Variants in ZFP90 observed in about 807,000 individuals in gnomAD.
ZFP90 encodes the protein ZFP90 zinc finger protein, also known as zinc finger protein 90 homolog.
ZFP90 carries 38 observed loss-of-function variants against 60.8 expected under a neutral mutation model. The observed-to-expected ratio is 0.62, with a 90% CI of 0.48 to 0.82. The LOEUF is 0.82. ZFP90 is among the 40% of genes least tolerant of loss of function. ZFP90 has a pLI of 0.00. For synonymous variants in ZFP90, 287 were observed against 264.8 expected (o/e 1.08, Z -0.82); for missense variants, 711 against 759.1 (o/e 0.94, Z 0.74).
chr16:68,535,054 T>C (rs2090950701), upstream of ZFP90, among the ~76,000 whole-genome samples: 1 of 152,220 alleles, frequency 6.6e-6, no homozygotes, highest in Non-Finnish European at 1.5e-5. Context: ...GCATGTGCTT[T>C]GTGTTTGTGA....
Position 68,564,096 on chromosome 16 carries a change from C to G in ZFP90, c.1309C>G (p.Leu437Val), listed in dbSNP as rs912087175. Residue 437 changes from leucine to valine, a missense_variant, in exon 5 of 5, where the codon CTC becomes GTC. Physicochemically the swap from Leu to Val is conservative, Grantham distance 32. Around this residue, in one of 5 missense-constraint regions of ZFP90, gnomAD observed 295 missense variants for 274.0 expected, o/e 1.08. Transcript: ENST00000563169. Reference protein sequence around the residue: ...YSIDFKHSTSLTQDESTLTEV... With the variant: ...YSIDFKHSTSVTQDESTLTEV... ...CATAGATTTCAAGCACAGCACATCT[C>G]TCACTCAAGATGAAAGCACTCTTAC... is the stretch of plus-strand genomic sequence containing the variant. 1 of 1,614,152 alleles carries G rather than the reference C, an allele frequency of 6.2e-7. No homozygotes were observed. Among genetic ancestry groups the G allele is most frequent in the South Asian group, 1.1e-5 (1 of 91,080 alleles).
At chr16:68,540,808 C>CAAAAAAAAAAAAAAAAAAAAAAA (rs35122186) in intron 2 of ZFP90, among the ~76,000 whole-genome samples, 1 of 92,698 alleles carries the variant, frequency 1.1e-5, no homozygotes, top group African/African-American at 4.5e-5. Flanking sequence ...TCCGTCTCTG[C>CAAAAAAAAAAAAAAAAAAAAAAA]AAAAAAAAAA....
At chr16:68,556,707 C>G (rs1645928) in intron 2 of ZFP90, among the ~76,000 whole-genome samples, 1 of 152,046 alleles carries the variant, frequency 6.6e-6, no homozygotes, top group South Asian at 2.1e-4. Flanking sequence ...TGTCCTTTTT[C>G]TCGGAATCTG....
upstream of ZFP90, among the ~76,000 whole-genome samples, chr16:68,538,791 C>T (rs1188197302): frequency 6.6e-6 from 1 of 152,074 alleles, no homozygotes; most frequent in Non-Finnish European, 1.5e-5. Flanking sequence ...TGAAATAACA[C>T]GGCAGTAGAT....
intron 2 of ZFP90, among the ~76,000 whole-genome samples, chr16:68,542,894 C>A (rs2091077246): frequency 6.6e-6 from 1 of 152,112 alleles, no homozygotes; most frequent in Non-Finnish European, 1.5e-5. Context: ...AAAATTAGGA[C>A]CCTGCTCTCA....
intron 2 of ZFP90, among the ~76,000 whole-genome samples, chr16:68,548,474 CTTTTTTTTTTTTTT>C (rs551779570): frequency 3.7e-5 from 3 of 81,046 alleles, no homozygotes; most frequent in African/African-American, 1.6e-4. Context: ...GTTTATCCTC[CTTTTTTTTTTTTTT>C]TTTTTTTTTT....
At chr16:68,559,151 C>T (rs2091394676) in intron 4 of ZFP90, among the ~76,000 whole-genome samples, 1 of 152,112 alleles carries the variant, frequency 6.6e-6, no homozygotes, top group Non-Finnish European at 1.5e-5. Context: ...CTAAGTGACC[C>T]TGCCTTAAGG....
At position 68,565,056 on chromosome 16, in the gene ZFP90, C is replaced by A. The variant is rs2091503999; in HGVS notation, c.*358C>A. Reference sequence around the variant, plus strand: ...AAAAGCAAATTCCTGCAGTAATGACCAAAACCCATTTTAAAAATTGCTTGA... The same window carrying A: ...AAAAGCAAATTCCTGCAGTAATGACAAAAACCCATTTTAAAAATTGCTTGA... On this transcript the variant is annotated 3_prime_UTR_variant, in exon 5 of 5. Transcript: ENST00000563169. 3 of 1,007,236 alleles carry A rather than the reference C, an allele frequency of 3.0e-6. No individual in the cohort carries two copies. The South Asian group carries it at 1.3e-4, about 45-fold the overall frequency. 62.4% of individuals were successfully genotyped at this position (1,007,236 alleles called of 1,614,324 possible).
At chr16:68,544,864 CTTTTTTTTTTTTTTTTTTTT>C (rs71148911) in intron 2 of ZFP90, among the ~76,000 whole-genome samples, 5 of 66,564 alleles carry the variant, frequency 7.5e-5, no homozygotes, top group Admixed American at 2.1e-4. Context: ...CTGTGAACAC[CTTTTTTTTTTTTTTTTTTTT>C]TTTTTTTTTT....
chr16:68,559,071 C>G (rs1322823397), intron 4 of ZFP90, among the ~76,000 whole-genome samples: 1 of 152,132 alleles, frequency 6.6e-6, no homozygotes, highest in East Asian at 1.9e-4. Context: ...CTGTAGTATC[C>G]TCATCTCCCA....
Position 68,565,017 on chromosome 16 carries a change from C to T in ZFP90, c.*319C>T, listed in dbSNP as rs2091503337. The T allele has an allele frequency of 4.8e-6, 5 of 1,047,874 alleles. No homozygotes were observed. The highest frequency in any genetic ancestry group is 5.7e-6 in the Non-Finnish European group (5 of 871,374). 64.9% of individuals were successfully genotyped at this position (1,047,874 alleles called of 1,614,324 possible). ...CATCTTGACTTGTGACCCCCAATGT[C>T]AACAGCTTTTTTAAAAAGCAAATTC... On this transcript the variant is annotated 3_prime_UTR_variant, in exon 5 of 5. Transcript: ENST00000563169.
intron 2 of ZFP90, among the ~76,000 whole-genome samples, chr16:68,552,262 T>C (rs555897026): frequency 2.0e-5 from 3 of 152,220 alleles, no homozygotes; most frequent in Admixed American, 6.5e-5. Flanking sequence ...CGGCAAACTT[T>C]TGATTGTCTG....
chr16:68,565,656 G>A lies in ZFP90; in HGVS notation c.*958G>A, dbSNP rs2091514301. Reference sequence around the variant, plus strand: ...TGCCCATGAAAAAGCACTTTCTTAAGCCTACAGTATCAGATCAATGGGAAA... The same window carrying A: ...TGCCCATGAAAAAGCACTTTCTTAAACCTACAGTATCAGATCAATGGGAAA... On this transcript the variant is annotated 3_prime_UTR_variant, in exon 5 of 5. Transcript: ENST00000563169. The A allele has an allele frequency of 1.0e-6, 1 of 985,492 alleles. No homozygotes were observed. Among genetic ancestry groups the A allele is most frequent in the African/African-American group, 1.7e-5 (1 of 57,332 alleles). 61.0% of individuals were successfully genotyped at this position (985,492 alleles called of 1,614,324 possible). A position where few individuals can be genotyped will look rare whatever the true frequency, so the allele number is the denominator to read the frequency against.
chr16:68,534,097 C>CT (rs1231054190), intron 2 of ZFP90, among the ~76,000 whole-genome samples: 6 of 151,974 alleles, frequency 3.9e-5, no homozygotes, highest in African/African-American at 9.6e-5. Context: ...CTTTTTTAAA[C>CT]TTTTTTTTAT....
At chr16:68,535,731 C>G (rs1014533870), upstream of ZFP90, 1 of 152,046 alleles carries the variant, frequency 6.6e-6, no homozygotes, top group African/African-American at 2.4e-5. Context: ...TGAAAGCTAG[C>G]GTTCCATGTT....
chr16:68,569,710 G>A (rs1453770330), downstream of ZFP90, among the ~76,000 whole-genome samples: 1 of 151,922 alleles, frequency 6.6e-6, no homozygotes, highest in Non-Finnish European at 1.5e-5. Flanking sequence ...AGACCAGTCT[G>A]GGCAACATGG....
At chr16:68,569,032 G>A (rs1256150683), downstream of ZFP90, among the ~76,000 whole-genome samples, 1 of 151,696 alleles carries the variant, frequency 6.6e-6, no homozygotes, top group Non-Finnish European at 1.5e-5. Context: ...AGGAACCAGA[G>A]CATCTGGCGA....
At chr16:68,539,874 C>T (rs781205053) in intron 2 of ZFP90, 49 bp downstream of exon 2, 21 of 1,591,468 alleles carry the variant, frequency 1.3e-5, no homozygotes, top group Non-Finnish European at 1.6e-5. Context: ...ATCTATCCAT[C>T]CCATCTCCCA....
chr16:68,572,273 A>T (rs1285626448), intron 2 of ZFP90, among the ~76,000 whole-genome samples: 2 of 152,116 alleles, frequency 1.3e-5, no homozygotes, highest in South Asian at 4.1e-4. Context: ...CCTGAATTAT[A>T]ATGGTATTTT....
Sources: allele counts gnomAD v4.1 joint callset (sites outside exome capture counted in the v4.1 genomes callset), GRCh38; gene constraint gnomAD v4.1.1; regional missense constraint gnomAD v4.1.1; transcripts MANE v1.5; gene names NCBI Gene and HGNC (gene_info 2026-07-23, HGNC 2026-07-21).